Variants in NELL2 observed in about 807,000 individuals in gnomAD.
The protein encoded by NELL2 is neural EGFL like 2, also known as protein kinase C-binding protein NELL2.
NELL2 carries 41 observed loss-of-function variants against 109.6 expected under a neutral mutation model. That is an observed-to-expected ratio of 0.37 (90% CI 0.29 to 0.49). NELL2 has a LOEUF of 0.49. Ranked by LOEUF, NELL2 falls within the 20% of genes least tolerant of loss-of-function variation. NELL2 has a pLI of 0.98. For synonymous variants in NELL2, 355 were observed against 344.7 expected (o/e 1.03, Z -0.33); for missense variants, 900 against 1,008.3 (o/e 0.89, Z 1.45).
chr12:44,640,599 G>T (rs1304734049), intron 13 of NELL2, among the ~76,000 whole-genome samples: 1 of 151,664 alleles, frequency 6.6e-6, no homozygotes, highest in Non-Finnish European at 1.5e-5. Flanking sequence ...CACTGCTTCA[G>T]TTGCTATTTT....
chr12:44,899,839 C>T (rs1945639295), intron 1 of NELL2, among the ~76,000 whole-genome samples: 2 of 151,970 alleles, frequency 1.3e-5, no homozygotes, highest in African/African-American at 4.8e-5. Flanking sequence ...GAGTCAGGAC[C>T]CATCGGTGTG....
chr12:44,909,465 T>A (rs150044235), intron 1 of NELL2, among the ~76,000 whole-genome samples: 2 of 151,790 alleles, frequency 1.3e-5, no homozygotes, highest in East Asian at 3.9e-4. Flanking sequence ...ATATATGACA[T>A]GCTCATGGAC....
intron 3 of NELL2, among the ~76,000 whole-genome samples, chr12:44,791,027 A>G (rs1486656864): frequency 7.3e-6 from 1 of 136,994 alleles, no homozygotes; most frequent in African/African-American, 2.7e-5. Context: ...ATTACTAATG[A>G]CCTAAGAAAG....
rs1274733652 is a variant in NELL2, at chr12:44,595,529, C to T, written c.1663+11640G>A. 2.0e-5 allele frequency among the ~76,000 whole-genome samples: 3 copies of T among 152,086 alleles called. No individual in the cohort carries two copies. The South Asian group carries it at 6.2e-4, about 32-fold the overall frequency. On this transcript the variant is annotated intron_variant, in intron 15 of 19. Transcript: ENST00000429094. Reference sequence around the variant, plus strand: ...GCAAGCTCCGCCTCCCGGCTTCATGCCATTCTCCTGCCTCAGCCTCCTGAG... The same window carrying T: ...GCAAGCTCCGCCTCCCGGCTTCATGTCATTCTCCTGCCTCAGCCTCCTGAG...
intron 19 of NELL2, 52 bp downstream of exon 19, chr12:44,519,953 G>T: frequency 6.8e-7 from 1 of 1,475,510 alleles, no homozygotes; most frequent in Non-Finnish European, 9.5e-7. Flanking sequence ...TTATCTATGA[G>T]CCCTGGGTGC....
Position 44,855,749 on chromosome 12 carries a change from T to C in NELL2, c.184+19476A>G, listed in dbSNP as rs372873792. Among the ~76,000 whole-genome samples the C allele has an allele frequency of 1.1e-4, 16 of 152,326 alleles. No individual in the cohort carries two copies. In the East Asian group the frequency reaches 2.9e-3, roughly 28 times the overall value. On this transcript the variant is annotated intron_variant, in intron 2 of 19. Transcript: ENST00000429094. ...TTCAAACTAAAAATTTAAACTCTCATCATCAAGAAGCATTCAGGATGTCCA... is the reference window on the plus strand; with the variant it reads ...TTCAAACTAAAAATTTAAACTCTCACCATCAAGAAGCATTCAGGATGTCCA...
At chr12:44,538,702 C>T (rs1358057862) in intron 15 of NELL2, among the ~76,000 whole-genome samples, 2 of 152,022 alleles carry the variant, frequency 1.3e-5, no homozygotes, top group Non-Finnish European at 2.9e-5. Context: ...CATTTCAACT[C>T]GGGAAAAAGT....
At chr12:44,834,456 C>A (rs1235323633) in intron 2 of NELL2, among the ~76,000 whole-genome samples, 1 of 89,438 alleles carries the variant, frequency 1.1e-5, no homozygotes, top group East Asian at 3.6e-4. Flanking sequence ...TTTTTTTTGT[C>A]TCTTTAAAAG....
chr12:44,518,819 A>G (rs1317321665), intron 19 of NELL2, among the ~76,000 whole-genome samples: 1 of 152,228 alleles, frequency 6.6e-6, no homozygotes, highest in East Asian at 1.9e-4. Context: ...GTATACACAT[A>G]TTAAATGTAT....
chr12:44,877,024 G>T, upstream of NELL2: 1 of 393,770 alleles, frequency 2.5e-6, no homozygotes, highest in Non-Finnish European at 3.8e-6. Flanking sequence ...CGCGCCCCCT[G>T]CCAAATAAAG....
chr12:44,761,370 AAAAC>A (rs201902563), intron 9 of NELL2, among the ~76,000 whole-genome samples: 3,273 of 152,230 alleles, frequency 0.022, 97 homozygotes, highest in African/African-American at 0.072. Context: ...CTCCGTCTCA[AAAAC>A]AAACAAACAA....
At chr12:44,800,188 T>C (rs1185941653) in intron 3 of NELL2, among the ~76,000 whole-genome samples, 1 of 152,164 alleles carries the variant, frequency 6.6e-6, no homozygotes, top group African/African-American at 2.4e-5. Flanking sequence ...AAGCACATTT[T>C]AGTTCTGAAT....
intron 13 of NELL2, among the ~76,000 whole-genome samples, chr12:44,633,791 T>A (rs1010723330): frequency 2.0e-5 from 3 of 152,058 alleles, no homozygotes; most frequent in East Asian, 1.9e-4. Context: ...ATATCCAACC[T>A]TTTTTTGGTG....
chr12:44,591,509 A>T (rs1180255362), intron 15 of NELL2, among the ~76,000 whole-genome samples: 2 of 152,108 alleles, frequency 1.3e-5, no homozygotes, highest in Admixed American at 1.3e-4. Flanking sequence ...AAGTGAAATA[A>T]GCCAGGTGCA....
At chr12:44,737,209 T>C (rs1849935908) in intron 9 of NELL2, among the ~76,000 whole-genome samples, 1 of 152,032 alleles carries the variant, frequency 6.6e-6, no homozygotes, top group African/African-American at 2.4e-5. Flanking sequence ...AATTTTTGAG[T>C]ATTTTATTTT....
rs139928335 is a variant in NELL2, at chr12:44,690,069, T to C, written c.1318+13657A>G. 7.0e-4 allele frequency among the ~76,000 whole-genome samples: 106 copies of C among 152,308 alleles called. 1 individual carries two copies. The highest frequency in any genetic ancestry group is 3.7e-3 in the Admixed American group (56 of 15,298). ...AAAAATAGTCCTTCTCCCACTTTAA[T>C]GTGCATAAGAATTGCCTGGGAAGCT... On this transcript the variant is annotated intron_variant, in intron 12 of 19. Coordinates refer to ENST00000429094, the MANE Select transcript of NELL2 (RefSeq NM_001145108.2).
chr12:44,889,062 A>C (rs998961915), intron 1 of NELL2, among the ~76,000 whole-genome samples: 9 of 151,994 alleles, frequency 5.9e-5, no homozygotes, highest in African/African-American at 2.2e-4. Flanking sequence ...CTACATTGCC[A>C]TGCTGTACAT....
At chr12:44,818,029 A>G (rs1215175355) in intron 2 of NELL2, among the ~76,000 whole-genome samples, 8 of 152,254 alleles carry the variant, frequency 5.3e-5, no homozygotes, top group African/African-American at 1.9e-4. Context: ...TGCCGAAAAG[A>G]AACTTCAACA....
At position 44,794,246 on chromosome 12, in the gene NELL2, T is replaced by C. The variant is rs145117470; in HGVS notation, c.336-14224A>G. On this transcript the variant is annotated intron_variant, in intron 3 of 19. Transcript: ENST00000429094. ...TGCCTCATTGGATTTTTGTGAGGAT[T>C]TGAATGAGCTGACTTAAGAAAGCAC... Among the ~76,000 whole-genome samples, 177 of 152,314 alleles carry C rather than the reference T, an allele frequency of 1.2e-3. 2 individuals are homozygous for C. The highest frequency in any genetic ancestry group is 4.2e-3 in the African/African-American group (174 of 41,570).
Sources: gnomAD v4.1 joint callset for allele counts (sites outside exome capture counted in the v4.1 genomes callset) on GRCh38, gnomAD v4.1.1 for gene constraint, MANE v1.5 for transcripts, NCBI Gene and HGNC (gene_info 2026-07-23, HGNC 2026-07-21) for gene names.